Variants in ARMC3 observed in about 807,000 individuals in gnomAD.
ARMC3 encodes armadillo repeat-containing protein 3.
In ARMC3, 74 loss-of-function variants were observed where a neutral mutation model predicts 90.3. The observed-to-expected ratio is 0.82, with a 90% CI of 0.68 to 0.99. The LOEUF (loss-of-function observed/expected upper bound fraction) is 0.99. ARMC3 is among the 50% of genes least tolerant of loss of function. The pLI is 0.00. For missense variants in ARMC3, 958 were observed against 1,042.8 expected (o/e 0.92, Z 1.12); for synonymous variants, 334 against 361.8 (o/e 0.92, Z 0.87).
intron 2 of ARMC3, among the ~76,000 whole-genome samples, chr10:22,944,757 AT>A (rs1258998089): frequency 6.6e-6 from 1 of 152,066 alleles, no homozygotes; most frequent in Non-Finnish European, 1.5e-5. Context: ...CTCCCTTAAG[AT>A]TTCTGTGGAT....
chr10:22,928,100 C>T lies in ARMC3; in HGVS notation c.-8C>T, dbSNP rs1197347648. The T allele has an allele frequency of 6.6e-6, 1 of 152,466 alleles. No individual in the cohort carries two copies. Among genetic ancestry groups the T allele is most frequent in the African/African-American group, 2.4e-5 (1 of 41,464 alleles). The allele number at this position is 152,466 out of a possible 1,614,324, so 9.4% of individuals were successfully genotyped here. A position where few individuals can be genotyped will look rare whatever the true frequency, so the allele number is the denominator to read the frequency against. On this transcript the variant is annotated 5_prime_UTR_variant, in exon 1 of 19. Transcript: ENST00000298032. The stretch of plus-strand genomic sequence containing the variant: ...GCAGCTAGCTACTCGGCGGGATCTC[C>T]CGGCAGGTAAAGGTAACCCCGTGGG...
At chr10:23,009,531 G>A (rs895846370) in intron 16 of ARMC3, among the ~76,000 whole-genome samples, 14 of 152,200 alleles carry the variant, frequency 9.2e-5, no homozygotes, top group Non-Finnish European at 1.5e-4. Context: ...TCGCTCTGTC[G>A]CCCAGGCTGG....
At chr10:22,996,311 A>G (rs75836534) in intron 10 of ARMC3, among the ~76,000 whole-genome samples, 326 of 152,288 alleles carry the variant, frequency 2.1e-3, no homozygotes, top group Admixed American at 4.3e-3. Context: ...GAAGATGAAA[A>G]GTGAAATTAT....
rs762096644 is a variant in ARMC3, at chr10:23,008,896, T to C, written c.2010T>C (p.Val670=). Reference sequence around the variant, plus strand: ...AGCCAGCTTCTGGACGAAATACTGTTCTCAGCAAAAGCGCCACCAAAGAAA... The same window carrying C: ...AGCCAGCTTCTGGACGAAATACTGTCCTCAGCAAAAGCGCCACCAAAGAAA... ...KSEPASGRNT[V]LSKSATKEKG... The change falls in exon 16 of 19, where the codon GTT becomes GTC. Residue 670 remains valine, a synonymous_variant. Transcript: ENST00000298032. 1.4e-5 allele frequency: 23 copies of C among 1,613,906 alleles called. No homozygotes were observed. The highest frequency in any genetic ancestry group is 1.9e-5 in the Non-Finnish European group (22 of 1,179,892).
intron 8 of ARMC3, among the ~76,000 whole-genome samples, chr10:22,975,094 C>T (rs1417759802): frequency 1.3e-5 from 2 of 152,188 alleles, no homozygotes; most frequent in African/African-American, 2.4e-5. Context: ...ATTCATTTCT[C>T]AAATTAACCA....
intron 10 of ARMC3, among the ~76,000 whole-genome samples, chr10:22,996,032 C>T (rs999129512): frequency 2.0e-5 from 3 of 152,016 alleles, no homozygotes; most frequent in Non-Finnish European, 2.9e-5. Context: ...TAATGATTAA[C>T]AAATACAAGG....
At chr10:22,959,596 C>T (rs764522849) in intron 6 of ARMC3, 22 bp downstream of exon 6, 34 of 1,559,762 alleles carry the variant, frequency 2.2e-5, no homozygotes, top group Middle Eastern at 1.7e-4. Flanking sequence ...TTCTAAAAAG[C>T]GTTCTGATGA....
rs754075891 is a variant in ARMC3 at position 23,037,267 on chromosome 10, C to A, written c.2410-3C>A. 77 of 1,577,230 alleles carry A rather than the reference C, an allele frequency of 4.9e-5. No individual in the cohort carries two copies. Among genetic ancestry groups the A allele is most frequent in the Non-Finnish European group, 6.5e-5 (75 of 1,156,878 alleles). On this transcript the variant is annotated splice_polypyrimidine_tract_variant and splice_region_variant and intron_variant, in intron 18 of 18. Coordinates refer to ENST00000298032, the MANE Select transcript of ARMC3 (RefSeq NM_173081.5). ...TTGGTTGATCTCTTGTTTTCTCCTG[C>A]AGGCTCTGGCTGATAGAATTGGCAT...
intron 16 of ARMC3, among the ~76,000 whole-genome samples, chr10:23,024,407 TAGATAGATAGATAGAC>T (rs1288777399): frequency 4.9e-5 from 6 of 123,432 alleles, no homozygotes; most frequent in South Asian, 5.4e-4. Context: ...GATAGATAGA[TAGATAGATAGATAGAC>T]AGATAGATAG....
intron 16 of ARMC3, among the ~76,000 whole-genome samples, chr10:23,017,767 AAAAAC>A (rs933078658): frequency 4.6e-5 from 7 of 152,380 alleles, no homozygotes; most frequent in East Asian, 1.9e-4. Context: ...CTTCGTCTCA[AAAAAC>A]AAAACAAAAC....
In ARMC3 at chr10:22,998,328, C is replaced by T. The variant is rs747962034; in HGVS notation, c.1356C>T (p.Asn452=). The T allele has an allele frequency of 1.2e-6, 2 of 1,613,702 alleles. No homozygotes were observed. Among genetic ancestry groups the T allele is most frequent in the Non-Finnish European group, 1.7e-6 (2 of 1,179,796 alleles). ...HAIISPLRSA[N]TVVQSKAALA... ...TCATCAGCCCACTGCGTTCTGCAAA[C>T]ACAGTCGTGCAGAGCAAAGCTGCTC... Residue 452 remains asparagine, a synonymous_variant, in exon 11 of 19, where the codon AAC becomes AAT. Transcript: ENST00000298032.
In ARMC3 at chr10:23,032,930, C is replaced by A. The variant is rs760248273; in HGVS notation, c.2316C>A (p.His772Gln). 1 of 1,613,092 alleles carries A rather than the reference C, an allele frequency of 6.2e-7. No individual in the cohort carries two copies. Among genetic ancestry groups the A allele is most frequent in the Non-Finnish European group, 8.5e-7 (1 of 1,179,446 alleles). Residue 772 changes from histidine to glutamine, a missense_variant, in exon 18 of 19, where the codon CAC (histidine) becomes CAA (glutamine). Coordinates refer to ENST00000298032, the MANE Select transcript of ARMC3 (RefSeq NM_173081.5). ...EKLPDFSWEL[H>Q]ISELKFQLKS... ...TACCTGATTTCAGCTGGGAACTTCACATAAGTGAACTGAAATTTCAACTTA... is the reference window on the plus strand; with the variant it reads ...TACCTGATTTCAGCTGGGAACTTCAAATAAGTGAACTGAAATTTCAACTTA...
At chr10:23,013,035 C>T (rs11013242) in intron 16 of ARMC3, among the ~76,000 whole-genome samples, 80,768 of 151,812 alleles carry the variant, frequency 0.53, 22,836 homozygotes, top group Non-Finnish European at 0.62. Context: ...ATTACAGATG[C>T]GTGCCATCAT....
At chr10:22,959,365 TG>T in intron 5 of ARMC3, 33 bp from the exon 6 acceptor site, 1 of 1,561,084 alleles carries the variant, frequency 6.4e-7, no homozygotes, top group Non-Finnish European at 8.7e-7. Flanking sequence ...AATAAGCAGT[TG>T]GCATACTTGT....
chr10:22,970,503 G>T (rs1175301709), intron 8 of ARMC3, among the ~76,000 whole-genome samples: 2 of 152,152 alleles, frequency 1.3e-5, no homozygotes, highest in Non-Finnish European at 2.9e-5. Flanking sequence ...AGAAGGGAGG[G>T]AACATCATGG....
chr10:22,958,798 T>G (rs1348163712), intron 4 of ARMC3, among the ~76,000 whole-genome samples: 1 of 152,186 alleles, frequency 6.6e-6, no homozygotes, highest in Non-Finnish European at 1.5e-5. Flanking sequence ...CTCAGCTCAC[T>G]GCAACCTCTG....
chr10:22,999,216 C>A (rs1433412024), intron 11 of ARMC3, among the ~76,000 whole-genome samples: 1 of 152,078 alleles, frequency 6.6e-6, no homozygotes, highest in Non-Finnish European at 1.5e-5. Context: ...ATAAAAATGT[C>A]CTTGATAATT....
intron 12 of ARMC3, among the ~76,000 whole-genome samples, chr10:23,002,572 TTCTTTCTTTCTTTTTC>T (rs1262157297): frequency 1.1e-5 from 1 of 87,510 alleles, no homozygotes; most frequent in African/African-American, 3.7e-5. Context: ...CTTTCTTTCT[TTCTTTCTTTCTTTTTC>T]TTTCTTTTCT....
At chr10:22,931,179 G>A (rs944881625) in intron 1 of ARMC3, among the ~76,000 whole-genome samples, 2 of 152,036 alleles carry the variant, frequency 1.3e-5, no homozygotes, top group African/African-American at 2.4e-5. Context: ...CGCCCACCTC[G>A]GCCTCCCAAA....
Sources: allele counts gnomAD v4.1 joint callset (sites outside exome capture counted in the v4.1 genomes callset), GRCh38; gene constraint gnomAD v4.1.1; transcripts MANE v1.5; gene names NCBI Gene and HGNC (gene_info 2026-07-23, HGNC 2026-07-21).